RELN: variants seen among roughly 807,000 people sequenced by gnomAD.
RELN encodes the protein reelin.
In RELN, 108 loss-of-function variants were observed where a neutral mutation model predicts 427.6. That is an observed-to-expected ratio of 0.25 (90% CI 0.22 to 0.30). RELN has a LOEUF of 0.30. Ranked by LOEUF, RELN falls within the 10% of genes least tolerant of loss-of-function variation. The pLI is 1.00. For missense variants in RELN, 3,715 were observed against 4,302.8 expected, an observed-to-expected ratio of 0.86 and a Z score of 3.82; for synonymous variants, 1,524 against 1,513.4, an observed-to-expected ratio of 1.01 and a Z score of -0.16.
intron 11 of RELN, among the ~76,000 whole-genome samples, chr7:103,670,116 G>A (rs1833358802): frequency 6.6e-6 from 1 of 152,090 alleles, no homozygotes; most frequent in African/African-American, 2.4e-5. Context: ...TAGCTGGAAA[G>A]CTGATGGTCT....
At chr7:103,937,696 C>T (rs754233106) in intron 1 of RELN, among the ~76,000 whole-genome samples, 1 of 152,158 alleles carries the variant, frequency 6.6e-6, no homozygotes, top group Non-Finnish European at 1.5e-5. Context: ...AATTTATTTA[C>T]AAAAGATGAA....
chr7:103,911,849 T>G (rs1422952166), intron 2 of RELN, among the ~76,000 whole-genome samples: 2 of 99,558 alleles, frequency 2.0e-5, no homozygotes, highest in Non-Finnish European at 3.9e-5. Context: ...CTCTGGGGAC[T>G]GTGGTGGGGT....
chr7:103,589,468 T>A, intron 28 of RELN, 128 bp downstream of exon 28: 3 of 719,180 alleles, frequency 4.2e-6, no homozygotes, highest in Non-Finnish European at 7.3e-6. Flanking sequence ...ATAAATGTTT[T>A]AAAAATTATT....
intron 1 of RELN, among the ~76,000 whole-genome samples, chr7:103,982,728 T>C (rs566351689): frequency 6.6e-6 from 1 of 152,294 alleles, no homozygotes; most frequent in East Asian, 1.9e-4. Context: ...TGGTCTACTG[T>C]CACTCCTTTT....
chr7:103,846,190 G>C (rs889702131), intron 2 of RELN, among the ~76,000 whole-genome samples: 3 of 152,068 alleles, frequency 2.0e-5, no homozygotes, highest in African/African-American at 7.2e-5. Context: ...ATACTACAAG[G>C]CTACGGTAAC....
chr7:103,905,156 T>C (rs536174518), intron 2 of RELN, among the ~76,000 whole-genome samples: 5 of 152,040 alleles, frequency 3.3e-5, no homozygotes, highest in African/African-American at 1.2e-4. Context: ...AATTTTTATA[T>C]TTTTAGTAGA....
intron 3 of RELN, among the ~76,000 whole-genome samples, chr7:103,818,476 G>T (rs1440712570): frequency 1.3e-5 from 2 of 152,148 alleles, no homozygotes; most frequent in East Asian, 1.9e-4. Flanking sequence ...ACTGTTAAAA[G>T]TTGAAAAGTT....
At chr7:103,850,615 G>GTTC (rs1584296054) in intron 2 of RELN, among the ~76,000 whole-genome samples, 2 of 152,292 alleles carry the variant, frequency 1.3e-5, no homozygotes, top group East Asian at 3.9e-4. Context: ...ACTCAGGGGA[G>GTTC]GGCACAAATC....
At chr7:103,738,756 C>T (rs1033206138) in intron 6 of RELN, among the ~76,000 whole-genome samples, 3 of 137,006 alleles carry the variant, frequency 2.2e-5, no homozygotes, top group Non-Finnish European at 4.6e-5. Flanking sequence ...TATCTCGGCT[C>T]ACTGCAACCT....
At chr7:103,819,348 T>C (rs1298977014) in intron 3 of RELN, among the ~76,000 whole-genome samples, 1 of 151,794 alleles carries the variant, frequency 6.6e-6, no homozygotes, top group Non-Finnish European at 1.5e-5. Context: ...AAAAATTAAC[T>C]CAATGCTTTT....
rs1830831152 is a variant in RELN, at chr7:103,569,376, G to A, written c.4589-2617C>T. Among the ~76,000 whole-genome samples the A allele has an allele frequency of 6.6e-6, 1 of 152,140 alleles. No individual in the cohort carries two copies. Among genetic ancestry groups the A allele is most frequent in the African/African-American group, 2.4e-5 (1 of 41,430 alleles). ...GACTGCAACCTCACCAGAGACCCTG[G>A]GCCAGAACCATTTAGCTAAGCTGCT... is the stretch of plus-strand genomic sequence containing the variant. On this transcript the variant is annotated intron_variant, in intron 31 of 64. Transcript: ENST00000428762. The surrounding 1 kb of genome is among the most constrained non-coding windows in gnomAD (Gnocchi z 4.0).
At chr7:103,920,569 T>C in intron 1 of RELN, among the ~76,000 whole-genome samples, 1 of 91,704 alleles carries the variant, frequency 1.1e-5, no homozygotes, top group Non-Finnish European at 2.0e-5. Flanking sequence ...AGTCTTTGGT[T>C]TTTTTTTTTG....
chr7:103,727,476 G>A (rs896234435), intron 7 of RELN, among the ~76,000 whole-genome samples: 8 of 152,124 alleles, frequency 5.3e-5, no homozygotes, highest in Non-Finnish European at 1.2e-4. Flanking sequence ...AGGCTCATTA[G>A]CCACATGCTG....
intron 4 of RELN, among the ~76,000 whole-genome samples, chr7:103,765,828 T>C (rs1284330124): frequency 6.6e-6 from 1 of 152,178 alleles, no homozygotes. Flanking sequence ...TTGGACTAGA[T>C]AAAGCTGTCA....
intron 1 of RELN, among the ~76,000 whole-genome samples, chr7:103,947,147 T>A (rs904639233): frequency 2.0e-5 from 3 of 152,202 alleles, no homozygotes; most frequent in African/African-American, 7.2e-5. Context: ...ATATATCTCA[T>A]CATTCAAAAG....
intron 4 of RELN, among the ~76,000 whole-genome samples, chr7:103,764,911 G>A (rs1403051778): frequency 6.6e-6 from 1 of 151,868 alleles, no homozygotes; most frequent in Non-Finnish European, 1.5e-5. Context: ...AACTCATTAG[G>A]GAAACCGAGA....
chr7:103,544,360 C>G (rs1056206174), intron 42 of RELN, among the ~76,000 whole-genome samples: 4 of 148,178 alleles, frequency 2.7e-5, no homozygotes, highest in African/African-American at 1.0e-4. Flanking sequence ...TCCCGAGTAG[C>G]TGGGATTACA....
At chr7:103,817,956 A>AAAAAAG (rs1792918737) in intron 3 of RELN, among the ~76,000 whole-genome samples, 1 of 150,570 alleles carries the variant, frequency 6.6e-6, no homozygotes, top group African/African-American at 2.4e-5. Flanking sequence ...AAAAAAAAAA[A>AAAAAAG]AAAAAGAAAA....
chr7:103,977,246 G>A (rs1401236894), intron 1 of RELN, among the ~76,000 whole-genome samples: 1 of 148,950 alleles, frequency 6.7e-6, no homozygotes, highest in East Asian at 2.0e-4. Flanking sequence ...AGGAGGTGGA[G>A]GTTGCAGTGA....
Sources: allele counts gnomAD v4.1 joint callset (sites outside exome capture counted in the v4.1 genomes callset), GRCh38; gene constraint gnomAD v4.1.1; non-coding constraint Gnocchi (gnomAD v3.1); transcripts MANE v1.5; gene names NCBI Gene and HGNC (gene_info 2026-07-23, HGNC 2026-07-21).